Variants in TNRC6C observed in about 807,000 individuals in gnomAD.
TNRC6C encodes trinucleotide repeat-containing gene 6C protein.
In TNRC6C, 20 loss-of-function variants were observed where a neutral mutation model predicts 153.7. The ratio of observed to expected loss-of-function variants is 0.13; its 90% CI spans 0.09 to 0.19. The LOEUF (loss-of-function observed/expected upper bound fraction) is 0.19, where lower values mean the gene tolerates loss of function less well. Among genes scored for constraint, TNRC6C ranks in the 10% least tolerant of loss-of-function variants. The pLI, the probability that TNRC6C is intolerant of heterozygous loss-of-function variation, is 1.00. For synonymous variants in TNRC6C, 811 were observed against 841.4 expected (o/e 0.96, Z 0.63); for missense variants, 1,987 against 2,172.0 (o/e 0.91, Z 1.69).
At chr17:78,001,675 C>G (rs1363874179), upstream of TNRC6C, among the ~76,000 whole-genome samples, 1 of 152,036 alleles carries the variant, frequency 6.6e-6, no homozygotes, top group African/African-American at 2.4e-5. Context: ...CAACAGTGAT[C>G]CAATAAAATC....
chr17:77,980,960 T>G (rs1276496387), intron 1 of TNRC6C, among the ~76,000 whole-genome samples: 1 of 151,942 alleles, frequency 6.6e-6, no homozygotes, highest in African/African-American at 2.4e-5. Context: ...TTTGGGTTTG[T>G]TTTGTTTTGT....
intron 1 of TNRC6C, among the ~76,000 whole-genome samples, chr17:77,978,667 G>A (rs1213954258): frequency 2.0e-5 from 3 of 152,134 alleles, no homozygotes; most frequent in African/African-American, 7.2e-5. Flanking sequence ...CAGCTAAGCA[G>A]AGTTTTCAAT....
At chr17:78,024,826 G>A (rs1417015846) in intron 1 of TNRC6C, among the ~76,000 whole-genome samples, 1 of 148,908 alleles carries the variant, frequency 6.7e-6, no homozygotes, top group East Asian at 2.0e-4. Context: ...ACAGAGTCTT[G>A]CTCTGTTGCC....
At chr17:78,098,565 T>C (rs1459096805) in intron 17 of TNRC6C, 28 bp downstream of exon 20, 3 of 1,600,958 alleles carry the variant, frequency 1.9e-6, no homozygotes, top group East Asian at 2.2e-5. Context: ...CGTGTTCCGA[T>C]GGGGGCCTTA....
At chr17:78,080,075 T>G (rs2073152200) in intron 10 of TNRC6C, among the ~76,000 whole-genome samples, 1 of 152,236 alleles carries the variant, frequency 6.6e-6, no homozygotes, top group African/African-American at 2.4e-5. Context: ...TATTCAGAAT[T>G]AGATCATTTT....
intron 1 of TNRC6C, among the ~76,000 whole-genome samples, chr17:77,982,658 C>G (rs368024343): frequency 1.3e-5 from 2 of 152,012 alleles, no homozygotes; most frequent in African/African-American, 4.8e-5. Flanking sequence ...ATGGTGAAAC[C>G]CCATCTCTAC....
At chr17:78,008,035 C>G (rs1430981121) in intron 1 of TNRC6C, among the ~76,000 whole-genome samples, 1 of 152,132 alleles carries the variant, frequency 6.6e-6, no homozygotes, top group Non-Finnish European at 1.5e-5. Context: ...TCTACCTTCT[C>G]CTGGAGAATA....
At chr17:78,087,855 C>T (rs535677079) in intron 13 of TNRC6C, among the ~76,000 whole-genome samples, 11 of 152,270 alleles carry the variant, frequency 7.2e-5, no homozygotes, top group Admixed American at 3.3e-4. Flanking sequence ...GAGGTCAGGC[C>T]AGTCAGGAGA....
chr17:78,092,902 C>T (rs780830218), intron 14 of TNRC6C, 31 bp from the exon 17 acceptor site: 1 of 1,605,628 alleles, frequency 6.2e-7, no homozygotes, highest in Non-Finnish European at 8.5e-7. Flanking sequence ...AGAGTATTCA[C>T]TCGCTTCTTT....
chr17:78,102,638 AGTTGGGGGTTCTTG>A, intron 18 of TNRC6C, 94 bp downstream of exon 21: 1 of 1,311,054 alleles, frequency 7.6e-7, no homozygotes, highest in East Asian at 2.6e-5. Context: ...GGGGCAGGAT[AGTTGGGGGTTCTTG>A]GTCAGGGTCC....
chr17:78,059,846 CAA>C (rs762507955), intron 3 of TNRC6C, among the ~76,000 whole-genome samples: 48 of 77,642 alleles, frequency 6.2e-4, no homozygotes, highest in Admixed American at 1.3e-3. Flanking sequence ...GACCCTGTCT[CAA>C]AAAAAAAAAA....
chr17:78,104,443 C>G lies in TNRC6C; in HGVS notation c.4713-42C>G, dbSNP rs143234660. ...AGCCAGTGCCACGAACTCAGCAGGA[C>G]TTGGGGTGGCCCTGTTCACGTGCCC... On this transcript the variant is annotated intron_variant, in intron 19 of 19. Transcript: ENST00000301624. This position sits in a 1 kb window ranked among gnomAD's most constrained non-coding sequence, Gnocchi z 6.2. 7.1e-5 allele frequency: 103 copies of G among 1,445,726 alleles called. No individual in the cohort carries two copies. Among genetic ancestry groups the G allele is most frequent in the Admixed American group, 1.1e-4 (4 of 36,620 alleles). 89.6% of individuals were successfully genotyped at this position (1,445,726 alleles called of 1,614,324 possible).
chr17:78,049,963 G>A lies in TNRC6C; in HGVS notation c.901G>A (p.Gly301Arg), dbSNP rs1287392132. 1 of 1,613,946 alleles carries A rather than the reference G, an allele frequency of 6.2e-7. No homozygotes were observed. The highest frequency in any genetic ancestry group is 8.5e-7 in the Non-Finnish European group (1 of 1,179,902). The change falls in exon 3 of 20, where the codon GGA becomes AGA. Residue 301 changes from glycine to arginine, a missense_variant. Transcript: ENST00000301624. This position sits in a 1 kb window ranked among gnomAD's most constrained non-coding sequence, Gnocchi z 4.1. The stretch of plus-strand genomic sequence containing the variant: ...AAGTGGAGGAAATGCTTGGGATTCA[G>A]GACCTCCTGCTGGTCCTGGAATACT...
At chr17:78,091,011 C>T (rs530245693) in intron 13 of TNRC6C, among the ~76,000 whole-genome samples, 1 of 152,288 alleles carries the variant, frequency 6.6e-6, no homozygotes, top group South Asian at 2.1e-4. Context: ...CCTGTGGACT[C>T]TGAGAAGCCT....
intron 5 of TNRC6C, 140 bp from the exon 8 acceptor site, chr17:78,070,945 G>A: frequency 2.5e-6 from 2 of 793,810 alleles, no homozygotes; most frequent in Non-Finnish European, 4.0e-6. Flanking sequence ...GGAGTTTCTG[G>A]AATACAGCAT....
chr17:78,090,639 A>C (rs1467623360), intron 13 of TNRC6C, among the ~76,000 whole-genome samples: 3 of 152,286 alleles, frequency 2.0e-5, no homozygotes, highest in Middle Eastern at 3.4e-3. Flanking sequence ...TGTCCTCCTC[A>C]TCATCTTTCT....
intron 3 of TNRC6C, among the ~76,000 whole-genome samples, chr17:78,061,428 C>G (rs2072766011): frequency 6.6e-6 from 1 of 152,206 alleles, no homozygotes; most frequent in Non-Finnish European, 1.5e-5. Context: ...TTTAGCATCT[C>G]TTCTAGAACC....
chr17:78,072,984 C>A, intron 6 of TNRC6C, 53 bp from the exon 9 acceptor site: 2 of 1,349,000 alleles, frequency 1.5e-6, no homozygotes, highest in South Asian at 1.3e-5. Flanking sequence ...TGTTTGTAAC[C>A]TTTCCTTTTG....
rs750852215 is a variant in TNRC6C at position 78,075,763 on chromosome 17, C to T, written c.3060+485C>T. 8.5e-5 allele frequency among the ~76,000 whole-genome samples: 13 copies of T among 152,146 alleles called. No homozygotes were observed. The highest frequency in any genetic ancestry group is 1.6e-4 in the Non-Finnish European group (11 of 68,030). On this transcript the variant is annotated intron_variant, in intron 8 of 19. Transcript: ENST00000301624. This position sits in a 1 kb window ranked among gnomAD's most constrained non-coding sequence, Gnocchi z 4.2. Reference sequence around the variant, plus strand: ...AAACGCCCTGAATGTTTAGCCAGTCCGGTCACAGCTCAGCCCCCAGTGTTG... The same window carrying T: ...AAACGCCCTGAATGTTTAGCCAGTCTGGTCACAGCTCAGCCCCCAGTGTTG...
Sources: allele counts gnomAD v4.1 joint callset (sites outside exome capture counted in the v4.1 genomes callset), GRCh38; gene constraint gnomAD v4.1.1; non-coding constraint Gnocchi (gnomAD v3.1); transcripts MANE v1.5; gene names NCBI Gene and HGNC (gene_info 2026-07-23, HGNC 2026-07-21).